NDUFAB1: variants seen among roughly 807,000 people sequenced by gnomAD.
The protein encoded by NDUFAB1 is acyl carrier protein, mitochondrial.
A neutral mutation model predicts 16.1 loss-of-function variants in NDUFAB1; 5 were observed. The observed-to-expected ratio is 0.31, with a 90% confidence interval of 0.16 to 0.65. NDUFAB1 has a LOEUF of 0.65. NDUFAB1 is among the 30% of genes least tolerant of loss of function. The probability of loss-of-function intolerance (pLI) is 0.77; values close to 1 mark genes in which losing one functional copy is unlikely to be tolerated. For synonymous variants in NDUFAB1, 85 were observed against 78.4 expected (o/e 1.08, Z -0.44); for missense variants, 187 against 205.3 (o/e 0.91, Z 0.54).
intron 1 of NDUFAB1, among the ~76,000 whole-genome samples, chr16:23,593,895 T>TATTTATTTATTC (rs1268961536): frequency 7.2e-6 from 1 of 139,722 alleles, no homozygotes; most frequent in Non-Finnish European, 1.5e-5. Flanking sequence ...TTTATTTATT[T>TATTTATTTATTC]ATTGAGATGG....
chr16:23,596,238 G>A lies in NDUFAB1; in HGVS notation c.53C>T (p.Ala18Val). Residue 18 changes from alanine to valine, a missense_variant, in exon 1 of 5, where the codon GCG (alanine) becomes GTG (valine). By Grantham distance (64) the Ala-to-Val change is moderately conservative. This residue lies in a region of NDUFAB1 where 135 missense variants were observed against 129.4 expected (regional missense o/e 1.04). Coordinates refer to ENST00000007516, the MANE Select transcript of NDUFAB1 (RefSeq NM_005003.3). ...CAGCATCCGGACCCGGGGCAGCGGC[G>A]CAAAGGCCGCGGGCAGGCGGCTGAC... ...AYVSRLPAAF[A>V]PLPRVRMLAV... The A allele has an allele frequency of 6.2e-7, 1 of 1,604,368 alleles. No homozygotes were observed. Among genetic ancestry groups the A allele is most frequent in the South Asian group, 1.1e-5 (1 of 89,928 alleles).
intron 1 of NDUFAB1, 110 bp from the exon 2 acceptor site, chr16:23,587,429 A>G: frequency 7.4e-7 from 1 of 1,343,802 alleles, no homozygotes; most frequent in Non-Finnish European, 1.0e-6. Flanking sequence ...TAGAGAACCC[A>G]CAGCATCTGA....
chr16:23,596,189 G>A lies in NDUFAB1; in HGVS notation c.102C>T (p.Thr34=), dbSNP rs141475669. The A allele has an allele frequency of 8.4e-3, 13,580 of 1,610,788 alleles. 115 individuals are homozygous for A. The highest frequency in any genetic ancestry group is 0.024 in the South Asian group (2,148 of 90,780). ...TCTGGGTCCCCGCGGAGCAGAGAGC[G>A]GTGCTGAGAGGCCGGGCCACGGCCA... ...RMLAVARPLS[T]ALCSAGTQTR... Residue 34 remains threonine (T), a synonymous_variant, in exon 1 of 5, where the codon ACC becomes ACT. Coordinates refer to ENST00000007516, the MANE Select transcript of NDUFAB1 (RefSeq NM_005003.3).
chr16:23,593,916 T>C (rs113951386), intron 1 of NDUFAB1, among the ~76,000 whole-genome samples: 1,947 of 152,106 alleles, frequency 0.013, 19 homozygotes, highest in South Asian at 0.019. Flanking sequence ...AGTCTGGCTC[T>C]GTCGCCCAGG....
rs144006832 is a variant in NDUFAB1 at position 23,585,069 on chromosome 16, C to G, written c.379+267G>C. Among the ~76,000 whole-genome samples, 218 of 152,324 alleles carry G rather than the reference C, an allele frequency of 1.4e-3. 1 individual carries two copies. Among genetic ancestry groups the G allele is most frequent in the African/African-American group, 5.0e-3 (209 of 41,570 alleles). ...AGAACCCTGTCTGAAGAATCAGTCCCCTGGAACCATCTCTGGTCATTCGGC... is the reference window on the plus strand; with the variant it reads ...AGAACCCTGTCTGAAGAATCAGTCCGCTGGAACCATCTCTGGTCATTCGGC... On this transcript the variant is annotated intron_variant, in intron 3 of 4. Coordinates refer to ENST00000007516, the MANE Select transcript of NDUFAB1 (RefSeq NM_005003.3).
rs1966326694 is a variant in NDUFAB1, at chr16:23,596,302, C to T, written c.-12G>A. 1.9e-6 allele frequency: 3 copies of T among 1,544,472 alleles called. No homozygotes were observed. The highest frequency in any genetic ancestry group is 2.8e-5 in the African/African-American group (2 of 70,992). On this transcript the variant is annotated 5_prime_UTR_variant, in exon 1 of 5. Coordinates refer to ENST00000007516, the MANE Select transcript of NDUFAB1 (RefSeq NM_005003.3). ...ACACGAGACGCCATGGCTACGCCAA[C>T]CCAGGATGCACTGCGCCGCCGCCTC...
At chr16:23,594,235 C>T (rs1966303661) in intron 1 of NDUFAB1, among the ~76,000 whole-genome samples, 1 of 152,018 alleles carries the variant, frequency 6.6e-6, no homozygotes, top group South Asian at 2.1e-4. Flanking sequence ...GCCAACAGGG[C>T]AGTGCCCAAT....
chr16:23,587,461 C>T, intron 1 of NDUFAB1, 142 bp from the exon 2 acceptor site: 1 of 1,061,270 alleles, frequency 9.4e-7, no homozygotes, highest in Non-Finnish European at 1.3e-6. Flanking sequence ...GCCACCAGGA[C>T]ACACTAAGTT....
chr16:23,591,462 C>T (rs539511728), intron 1 of NDUFAB1, among the ~76,000 whole-genome samples: 4 of 152,170 alleles, frequency 2.6e-5, no homozygotes, highest in Admixed American at 6.5e-5. Context: ...TACAAACTGC[C>T]GACTGGTCCA....
intron 3 of NDUFAB1, among the ~76,000 whole-genome samples, chr16:23,584,561 A>G (rs1966217585): frequency 6.6e-6 from 1 of 151,810 alleles, no homozygotes; most frequent in Non-Finnish European, 1.5e-5. Flanking sequence ...CATTTTACAC[A>G]TCATCTCTAA....
At chr16:23,583,095 A>G (rs1343819124) in intron 3 of NDUFAB1, among the ~76,000 whole-genome samples, 1 of 152,290 alleles carries the variant, frequency 6.6e-6, no homozygotes, top group Non-Finnish European at 1.5e-5. Context: ...CCGGGATTGC[A>G]GATGGAGTCT....
At chr16:23,587,453 C>T in intron 1 of NDUFAB1, 134 bp from the exon 2 acceptor site, 1 of 1,087,904 alleles carries the variant, frequency 9.2e-7, no homozygotes, top group Non-Finnish European at 1.3e-6. Context: ...TCATTGTGGC[C>T]ACCAGGACAC....
At position 23,592,325 on chromosome 16, in the gene NDUFAB1, CAG is replaced by C. The variant is rs544345467; in HGVS notation, c.168+3796_168+3797del. Among the ~76,000 whole-genome samples, 12 of 139,010 alleles carry C rather than the reference CAG, an allele frequency of 8.6e-5. No individual in the cohort carries two copies. In the South Asian group the frequency reaches 2.2e-3, roughly 26 times the overall value. The allele number at this position is 139,010 out of a possible 152,430, so 91.2% of individuals were successfully genotyped here. A position where few individuals can be genotyped will look rare whatever the true frequency, so the allele number is the denominator to read the frequency against. On this transcript the variant is annotated intron_variant, in intron 1 of 4. Coordinates refer to ENST00000007516, the MANE Select transcript of NDUFAB1 (RefSeq NM_005003.3). ...TGCCACTGCACTCCAGCCTAAGTGA[CAG>C]AGACCTTGTCTGGAAAAAAAAAAAA...
At chr16:23,583,528 G>A (rs1463050618) in intron 3 of NDUFAB1, among the ~76,000 whole-genome samples, 30 of 150,908 alleles carry the variant, frequency 2.0e-4, no homozygotes, top group African/African-American at 6.8e-4. Context: ...TGTGAGGAGC[G>A]CCTCTGCCCG....
intron 1 of NDUFAB1, chr16:23,595,335 G>A (rs1966315005): frequency 3.1e-6 from 1 of 323,144 alleles, no homozygotes; most frequent in African/African-American, 2.2e-5. Context: ...GATTTCATCA[G>A]CTCAAGCTAT....
In NDUFAB1 at chr16:23,595,690, G is replaced by C. The variant is rs546593478; in HGVS notation, c.168+433C>G. 7.8e-5 allele frequency: 36 copies of C among 461,744 alleles called. 1 individual carries two copies. The highest frequency in any genetic ancestry group is 5.1e-4 in the South Asian group (33 of 64,438). 28.6% of individuals were successfully genotyped at this position (461,744 alleles called of 1,614,324 possible). A position where few individuals can be genotyped will look rare whatever the true frequency, so the allele number is the denominator to read the frequency against. On this transcript the variant is annotated intron_variant, in intron 1 of 4. Coordinates refer to ENST00000007516, the MANE Select transcript of NDUFAB1 (RefSeq NM_005003.3). The stretch of plus-strand genomic sequence containing the variant: ...GCAGAGAGAAAACCGCTCTGGAGAA[G>C]GCTGTAGGCCAGTGTGGCTGCCTCT...
intron 3 of NDUFAB1, among the ~76,000 whole-genome samples, chr16:23,582,753 G>C (rs1177310461): frequency 7.0e-6 from 1 of 142,272 alleles, no homozygotes; most frequent in Admixed American, 7.0e-5. Context: ...CTCTTCCCAC[G>C]GTCTCCCTCT....
intron 1 of NDUFAB1, among the ~76,000 whole-genome samples, chr16:23,593,875 TATTTATTTA>T (rs1320085644): frequency 6.6e-6 from 1 of 151,066 alleles, no homozygotes; most frequent in African/African-American, 2.4e-5. Flanking sequence ...TTTATTTATT[TATTTATTTA>T]TTTATTTATT....
chr16:23,593,399 C>T (rs1966295862), intron 1 of NDUFAB1, among the ~76,000 whole-genome samples: 1 of 152,188 alleles, frequency 6.6e-6, no homozygotes, highest in Non-Finnish European at 1.5e-5. Context: ...GGCTGCAAAG[C>T]GTTCAATGAA....
Sources: allele counts gnomAD v4.1 joint callset (sites outside exome capture counted in the v4.1 genomes callset), GRCh38; gene constraint gnomAD v4.1.1; regional missense constraint gnomAD v4.1.1; transcripts MANE v1.5; gene names NCBI Gene and HGNC (gene_info 2026-07-23, HGNC 2026-07-21).